Variants in SKI observed in about 807,000 individuals in gnomAD.
SKI encodes ski oncogene.
Under a neutral mutation model 59.3 loss-of-function variants are expected in SKI, and 23 were observed. That is an observed-to-expected ratio of 0.39 (90% CI 0.28 to 0.55). SKI has a LOEUF of 0.55. Among genes scored for constraint, SKI ranks in the 20% least tolerant of loss-of-function variants. SKI has a pLI of 0.67. For synonymous variants in SKI, 673 were observed against 488.6 expected, an observed-to-expected ratio of 1.38 and a Z score of -4.98; for missense variants, 1,017 against 1,038.9, an observed-to-expected ratio of 0.98 and a Z score of 0.29.
At chr1:2,305,871 C>G in intron 5 of SKI, 149 bp from the exon 6 acceptor site, 1 of 706,314 alleles carries the variant, frequency 1.4e-6, no homozygotes. Context: ...GGGCACCACA[C>G]GGGTTGGGCT....
intron 1 of SKI, among the ~76,000 whole-genome samples, chr1:2,291,249 C>T (rs1022414334): frequency 2.0e-5 from 3 of 152,246 alleles, no homozygotes; most frequent in African/African-American, 4.8e-5. Context: ...CCAGTGTGTC[C>T]CCTGGGGGAC....
At chr1:2,305,552 G>C (rs1433915487) in intron 5 of SKI, among the ~76,000 whole-genome samples, 1 of 152,230 alleles carries the variant, frequency 6.6e-6, no homozygotes, top group African/African-American at 2.4e-5. Context: ...CGTGGGGTGT[G>C]AGTCACACGG....
chr1:2,294,443 G>A (rs1422128130), intron 1 of SKI, among the ~76,000 whole-genome samples: 2 of 152,206 alleles, frequency 1.3e-5, no homozygotes, highest in African/African-American at 4.8e-5. Context: ...TCCCCCGTGC[G>A]GGGATGTGGG....
chr1:2,304,583 C>A lies in SKI; in HGVS notation c.1765C>A (p.Gln589Lys), dbSNP rs1034674989. ...CCTGCAGGCCAAGCGCAGCCTCCAC[C>A]AGGTGAGCGGGGCGAGTGGTGCTGG... ...AALQAKRSLH[Q>K]ELEFLRVAKK... Residue 589 changes from glutamine to lysine, a missense_variant and splice_region_variant, in exon 5 of 7, where the codon CAG becomes AAG. By Grantham distance (53) the Gln-to-Lys change is moderately conservative. Transcript: ENST00000378536. The A allele has an allele frequency of 1.3e-6, 2 of 1,551,564 alleles. No individual in the cohort carries two copies. Among genetic ancestry groups the A allele is most frequent in the Non-Finnish European group, 8.7e-7 (1 of 1,147,590 alleles).
intron 1 of SKI, among the ~76,000 whole-genome samples, chr1:2,276,701 C>T (rs1639751121): frequency 1.3e-5 from 2 of 152,230 alleles, no homozygotes; most frequent in African/African-American, 4.8e-5. Flanking sequence ...TGGGGTGTTC[C>T]ACCAAGAGGG....
Position 2,229,204 on chromosome 1 carries a change from C to G in SKI, c.438C>G (p.Leu146=), listed in dbSNP as rs371061756. The change falls in exon 1 of 7, where the codon CTC becomes CTG. Residue 146 remains leucine (L), a synonymous_variant. Transcript: ENST00000378536. This position sits in a 1 kb window ranked among gnomAD's most constrained non-coding sequence, Gnocchi z 6.3. ...AGATCAACGCGGTGTGCGACGAGCT[C>G]CACATCTACTGCTCGCGCTGCACGG... ...LQQINAVCDE[L]HIYCSRCTAD... is the part of the protein sequence containing the mutation. 6.2e-7 allele frequency: 1 copy of G among 1,610,336 alleles called. No homozygotes were observed. Among genetic ancestry groups the G allele is most frequent in the Non-Finnish European group, 8.5e-7 (1 of 1,178,858 alleles).
chr1:2,263,913 C>T (rs925191632), intron 1 of SKI, among the ~76,000 whole-genome samples: 3 of 150,132 alleles, frequency 2.0e-5, no homozygotes, highest in African/African-American at 4.9e-5. Context: ...TGGTGGCTCA[C>T]GCCTATAATC....
At chr1:2,256,909 G>A (rs1255225154) in intron 1 of SKI, among the ~76,000 whole-genome samples, 6 of 152,166 alleles carry the variant, frequency 3.9e-5, no homozygotes, top group African/African-American at 9.7e-5. Context: ...CAGGAGGCTC[G>A]CGCCCCGATC....
intron 1 of SKI, among the ~76,000 whole-genome samples, chr1:2,234,394 G>T (rs1332258051): frequency 3.3e-5 from 5 of 152,318 alleles, no homozygotes; most frequent in African/African-American, 1.2e-4. Context: ...ACGGTGGGGG[G>T]GCTAGTCCTC....
At chr1:2,304,626 C>G (rs764847661) in intron 5 of SKI, 41 bp downstream of exon 5, 27 of 1,517,200 alleles carry the variant, frequency 1.8e-5, no homozygotes, top group Non-Finnish European at 2.3e-5. Context: ...AGGGCACGGG[C>G]AGTGAGCACA....
At chr1:2,242,798 ACT>A in intron 1 of SKI, among the ~76,000 whole-genome samples, 1 of 151,500 alleles carries the variant, frequency 6.6e-6, no homozygotes, top group East Asian at 1.9e-4. Context: ...GTGAGCCACC[ACT>A]CCTGGCCTGA....
In SKI at chr1:2,229,784, G is replaced by T. The variant is rs1638590554; in HGVS notation, c.969+49G>T. The T allele has an allele frequency of 4.5e-6, 7 of 1,549,418 alleles. No homozygotes were observed. The highest frequency in any genetic ancestry group is 3.6e-5 in the South Asian group (3 of 83,452). Reference sequence around the variant, plus strand: ...CTGGGGAGGATGCGCTTGGGGTGGGGGCCCCTTCTGGACTACAGGCTCTGG... The same window carrying T: ...CTGGGGAGGATGCGCTTGGGGTGGGTGCCCCTTCTGGACTACAGGCTCTGG... On this transcript the variant is annotated intron_variant, in intron 1 of 6. Coordinates refer to ENST00000378536, the MANE Select transcript of SKI (RefSeq NM_003036.4). The surrounding 1 kb of genome is among the most constrained non-coding windows in gnomAD (Gnocchi z 6.3).
At chr1:2,245,054 A>G (rs1477196678) in intron 1 of SKI, among the ~76,000 whole-genome samples, 2 of 152,194 alleles carry the variant, frequency 1.3e-5, no homozygotes, top group Non-Finnish European at 2.9e-5. Context: ...CCACCTTCCC[A>G]GGCTCAGCCT....
Position 2,295,713 on chromosome 1 carries a change from GTGGCTATGTGTCCA to G in SKI, c.970-7264_970-7251del, listed in dbSNP as rs1640269614. Among the ~76,000 whole-genome samples the G allele has an allele frequency of 1.5e-4, 10 of 68,310 alleles. No individual in the cohort carries two copies. The South Asian group carries it at 5.1e-3, about 35-fold the overall frequency. 44.8% of individuals were successfully genotyped at this position (68,310 alleles called of 152,430 possible). On this transcript the variant is annotated intron_variant, in intron 1 of 6. Transcript: ENST00000378536. ...ACGTGACTGTGTGTCCGGGCCACGT[GTGGCTATGTGTCCA>G]GGCCACGTGTGACTGTGTGTGTCCG...
At chr1:2,298,200 C>G (rs1386016241) in intron 1 of SKI, among the ~76,000 whole-genome samples, 1 of 152,224 alleles carries the variant, frequency 6.6e-6, no homozygotes, top group Non-Finnish European at 1.5e-5. Context: ...TGGATACATG[C>G]GCGCCCTCGT....
At chr1:2,306,378 G>A (rs923961794) in intron 6 of SKI, 128 bp downstream of exon 6, 2 of 1,035,508 alleles carry the variant, frequency 1.9e-6, no homozygotes, top group South Asian at 1.7e-5. Context: ...CGTTCCGTGC[G>A]TGCCCCCCCG....
chr1:2,286,133 A>G (rs1052038921), intron 1 of SKI, among the ~76,000 whole-genome samples: 4 of 152,126 alleles, frequency 2.6e-5, no homozygotes, highest in Non-Finnish European at 5.9e-5. Flanking sequence ...TGGCCTCCCA[A>G]AGTGCTGGGA....
chr1:2,299,969 C>G (rs1640383755), intron 1 of SKI, among the ~76,000 whole-genome samples: 1 of 152,104 alleles, frequency 6.6e-6, no homozygotes, highest in Non-Finnish European at 1.5e-5. Flanking sequence ...GCTGGCTCAC[C>G]TGTTTGGGCC....
At chr1:2,305,600 G>A (rs1163466711) in intron 5 of SKI, among the ~76,000 whole-genome samples, 1 of 152,196 alleles carries the variant, frequency 6.6e-6, no homozygotes, top group Non-Finnish European at 1.5e-5. Flanking sequence ...TTGCGGAGGC[G>A]CCGGGCGGAT....
Sources: allele counts gnomAD v4.1 joint callset (sites outside exome capture counted in the v4.1 genomes callset), GRCh38; gene constraint gnomAD v4.1.1; non-coding constraint Gnocchi (gnomAD v3.1); transcripts MANE v1.5; gene names NCBI Gene and HGNC (gene_info 2026-07-23, HGNC 2026-07-21).